MEIKIN: variants seen among roughly 807,000 people sequenced by gnomAD.
MEIKIN encodes meiosis-specific kinetochore protein.
chr5:131,871,455 C>T (rs1036544981), intron 9 of MEIKIN, among the ~76,000 whole-genome samples: 27 of 152,162 alleles, frequency 1.8e-4, no homozygotes, highest in African/African-American at 5.1e-4. Context: ...GGGGGAGGGG[C>T]GCCCGCCATT....
intron 11 of MEIKIN, among the ~76,000 whole-genome samples, chr5:131,838,353 T>A (rs1749846422): frequency 6.6e-6 from 1 of 152,210 alleles, no homozygotes; most frequent in Admixed American, 6.5e-5. Context: ...GGTATCAGGA[T>A]GATGCCGGCC....
intron 3 of MEIKIN, among the ~76,000 whole-genome samples, chr5:131,943,658 A>G (rs1474787203): frequency 6.6e-6 from 1 of 152,220 alleles, no homozygotes; most frequent in African/African-American, 2.4e-5. Flanking sequence ...ACAGAAATAT[A>G]TAAAAATTTT....
At chr5:131,896,739 T>A (rs570732941) in intron 8 of MEIKIN, among the ~76,000 whole-genome samples, 1 of 152,214 alleles carries the variant, frequency 6.6e-6, no homozygotes, top group Non-Finnish European at 1.5e-5. Context: ...GCTTGGTATA[T>A]CTTCCTCCAT....
chr5:131,907,626 C>T (rs191228614), intron 8 of MEIKIN, among the ~76,000 whole-genome samples: 1 of 151,346 alleles, frequency 6.6e-6, no homozygotes, highest in African/African-American at 2.4e-5. Flanking sequence ...GTAATCCCAG[C>T]ACTTTGGGAG....
At chr5:131,940,907 A>T in intron 4 of MEIKIN, among the ~76,000 whole-genome samples, 1 of 152,102 alleles carries the variant, frequency 6.6e-6, no homozygotes, top group East Asian at 1.9e-4. Flanking sequence ...TTGTAGCAAT[A>T]TGGAGTTACT....
intron 6 of MEIKIN, among the ~76,000 whole-genome samples, chr5:131,917,162 T>G (rs902368239): frequency 6.6e-6 from 1 of 152,218 alleles, no homozygotes; most frequent in African/African-American, 2.4e-5. Context: ...TTATAATTTT[T>G]GAAGTCTTTT....
At chr5:131,846,175 A>C (rs1327318377) in intron 11 of MEIKIN, among the ~76,000 whole-genome samples, 1 of 152,208 alleles carries the variant, frequency 6.6e-6, no homozygotes, top group African/African-American at 2.4e-5. Context: ...CATCCAGTAA[A>C]ACTGTCCTTC....
At chr5:131,898,302 C>G (rs112442935) in intron 8 of MEIKIN, among the ~76,000 whole-genome samples, 230 of 152,228 alleles carry the variant, frequency 1.5e-3, no homozygotes, top group African/African-American at 5.3e-3. Flanking sequence ...GAAGCTTTGT[C>G]CCAGAGGGGC....
At chr5:131,813,410 C>T (rs529105453) in intron 12 of MEIKIN, among the ~76,000 whole-genome samples, 24 of 150,272 alleles carry the variant, frequency 1.6e-4, no homozygotes, top group African/African-American at 5.8e-4. Flanking sequence ...GGAGAAATAA[C>T]CAGATATTTA....
chr5:131,923,214 C>T (rs991143784), intron 5 of MEIKIN, among the ~76,000 whole-genome samples: 2 of 152,142 alleles, frequency 1.3e-5, no homozygotes, highest in Admixed American at 6.5e-5. Flanking sequence ...TCTATTTAAT[C>T]TCAAATGCTA....
chr5:131,863,216 T>C (rs150354513), intron 9 of MEIKIN, among the ~76,000 whole-genome samples: 3 of 152,338 alleles, frequency 2.0e-5, no homozygotes, highest in African/African-American at 4.8e-5. Flanking sequence ...ATAGGATCTA[T>C]CCTGGAGAAC....
intron 4 of MEIKIN, among the ~76,000 whole-genome samples, chr5:131,939,057 A>C (rs1751828670): frequency 6.6e-6 from 1 of 152,126 alleles, no homozygotes; most frequent in African/African-American, 2.4e-5. Context: ...GGGTCTGGGG[A>C]TTTCACATCA....
intron 8 of MEIKIN, among the ~76,000 whole-genome samples, chr5:131,892,184 A>G (rs547930841): frequency 2.0e-5 from 3 of 152,088 alleles, no homozygotes; most frequent in Non-Finnish European, 4.4e-5. Flanking sequence ...GAATCTGACA[A>G]CTATGTGTCT....
chr5:131,879,090 T>C (rs1412067164), intron 8 of MEIKIN, 42 bp from the exon 9 acceptor site: 1 of 398,116 alleles, frequency 2.5e-6, no homozygotes, highest in African/African-American at 2.1e-5. Flanking sequence ...TTATTTCAAC[T>C]GTCATTAACT....
At chr5:131,916,764 G>C in intron 7 of MEIKIN, 122 bp downstream of exon 7, 1 of 383,926 alleles carries the variant, frequency 2.6e-6, no homozygotes, top group Non-Finnish European at 4.6e-6. Flanking sequence ...CTGACACATA[G>C]TGAGTCCTCA....
intron 6 of MEIKIN, among the ~76,000 whole-genome samples, chr5:131,918,259 A>G (rs1202096758): frequency 2.0e-5 from 3 of 152,256 alleles, no homozygotes. Context: ...CCCTGGATCA[A>G]GTTGCATTTG....
In MEIKIN at chr5:131,919,218, T is replaced by C. The variant is rs79565561; in HGVS notation, c.599-2293A>G. 3.5e-3 allele frequency among the ~76,000 whole-genome samples: 538 copies of C among 152,124 alleles called. 5 individuals are homozygous for C. Among genetic ancestry groups the C allele is most frequent in the African/African-American group, 0.012 (509 of 41,502 alleles). On this transcript the variant is annotated intron_variant, in intron 6 of 12. Coordinates refer to ENST00000442687, the MANE Select transcript of MEIKIN (RefSeq NM_001303622.2). ...GAGTAGCAAAAATTAAAAAAAAATA[T>C]GACAACACATTCTGTTGGTAAGGAT...
intron 11 of MEIKIN, among the ~76,000 whole-genome samples, chr5:131,833,946 C>A (rs1205023995): frequency 6.6e-6 from 1 of 152,100 alleles, no homozygotes; most frequent in African/African-American, 2.4e-5. Context: ...ATAAAAACTC[C>A]AAAAATTAAT....
intron 5 of MEIKIN, among the ~76,000 whole-genome samples, chr5:131,924,120 T>C (rs560533978): frequency 2.0e-5 from 3 of 152,190 alleles, no homozygotes; most frequent in African/African-American, 7.2e-5. Flanking sequence ...TTTAACATAA[T>C]GTCCTCAAGG....
Sources: allele counts gnomAD v4.1 joint callset (sites outside exome capture counted in the v4.1 genomes callset), GRCh38; gene constraint gnomAD v4.1.1; transcripts MANE v1.5; gene names NCBI Gene and HGNC (gene_info 2026-07-23, HGNC 2026-07-21).